GRID2: variants seen among roughly 807,000 people sequenced by gnomAD.
GRID2 encodes the protein glutamate ionotropic receptor delta type subunit 2.
GRID2 carries 33 observed loss-of-function variants against 114.8 expected under a neutral mutation model. The observed-to-expected ratio is 0.29, with a 90% CI of 0.22 to 0.38. The LOEUF (loss-of-function observed/expected upper bound fraction) is 0.38. Ranked by LOEUF, GRID2 falls within the 10% of genes least tolerant of loss-of-function variation. GRID2 has a pLI of 1.00. For missense variants in GRID2, 1,184 were observed against 1,257.7 expected (o/e 0.94, Z 0.89); for synonymous variants, 505 against 449.9 (o/e 1.12, Z -1.55).
intron 1 of GRID2, among the ~76,000 whole-genome samples, chr4:92,368,943 GA>G (rs34556616): frequency 0.065 from 8,314 of 128,324 alleles, 682 homozygotes; most frequent in African/African-American, 0.22. Flanking sequence ...AGCAAATTGT[GA>G]AAAAAAAAAA....
At chr4:93,558,219 G>A (rs1055453681) in intron 13 of GRID2, among the ~76,000 whole-genome samples, 1 of 152,012 alleles carries the variant, frequency 6.6e-6, no homozygotes, top group Admixed American at 6.6e-5. Context: ...CTAGCAGAGG[G>A]CAAGAAATAA....
intron 14 of GRID2, among the ~76,000 whole-genome samples, chr4:93,732,804 A>T (rs1251056109): frequency 6.6e-6 from 1 of 152,124 alleles, no homozygotes; most frequent in South Asian, 2.1e-4. Context: ...GCAGCTTCTC[A>T]CATTGCTTTA....
intron 2 of GRID2, among the ~76,000 whole-genome samples, chr4:92,602,203 TAAAA>T (rs548267650): frequency 2.1e-5 from 2 of 95,706 alleles, no homozygotes; most frequent in South Asian, 6.2e-4. Context: ...GCCAGAGATT[TAAAA>T]AAAAAAAAAA....
rs114346771 is a variant in GRID2, at chr4:93,547,157, A to G, written c.2193+31746A>G. Among the ~76,000 whole-genome samples, 726 of 152,282 alleles carry G rather than the reference A, an allele frequency of 4.8e-3. 6 individuals carry two copies. The highest frequency in any genetic ancestry group is 0.016 in the African/African-American group (665 of 41,566). On this transcript the variant is annotated intron_variant, in intron 13 of 15. Coordinates refer to ENST00000282020, the MANE Select transcript of GRID2 (RefSeq NM_001510.4). ...TTATTATATACATTTTTCTCTGTTTACTATTTTAGAGTTTCTCAACAGTAA... is the reference window on the plus strand; with the variant it reads ...TTATTATATACATTTTTCTCTGTTTGCTATTTTAGAGTTTCTCAACAGTAA...
chr4:93,250,929 G>T (rs1287061410), intron 8 of GRID2, among the ~76,000 whole-genome samples: 2 of 151,634 alleles, frequency 1.3e-5, no homozygotes, highest in Non-Finnish European at 1.5e-5. Flanking sequence ...TATAGTCCTG[G>T]TTTTTGAGGG....
intron 13 of GRID2, among the ~76,000 whole-genome samples, chr4:93,590,370 G>C (rs1446922040): frequency 2.0e-5 from 3 of 150,170 alleles, no homozygotes; most frequent in Non-Finnish European, 4.5e-5. Flanking sequence ...GTTGTAGATA[G>C]GTGGCGTTAT....
chr4:93,442,503 T>C (rs939362015), intron 10 of GRID2, among the ~76,000 whole-genome samples: 7 of 152,028 alleles, frequency 4.6e-5, no homozygotes, highest in African/African-American at 1.2e-4. Context: ...TAAGCATTTA[T>C]TGGGGCCTAA....
chr4:93,667,560 G>C (rs1724059593), intron 14 of GRID2, among the ~76,000 whole-genome samples: 1 of 151,928 alleles, frequency 6.6e-6, no homozygotes, highest in African/African-American at 2.4e-5. Context: ...GTTTCATGGA[G>C]AGCAGTGGCT....
chr4:93,283,141 G>A (rs1752818688), intron 8 of GRID2, among the ~76,000 whole-genome samples: 1 of 151,966 alleles, frequency 6.6e-6, no homozygotes, highest in Admixed American at 6.6e-5. Context: ...AACCTCTTAG[G>A]TCCATCCACA....
At chr4:92,452,829 A>G (rs564448962) in intron 1 of GRID2, among the ~76,000 whole-genome samples, 178 of 130,260 alleles carry the variant, frequency 1.4e-3, no homozygotes, top group Non-Finnish European at 2.1e-3. Context: ...TTTACCATAT[A>G]TATATATTTA....
intron 8 of GRID2, among the ~76,000 whole-genome samples, chr4:93,377,076 A>G (rs1201036172): frequency 6.6e-6 from 1 of 152,192 alleles, no homozygotes; most frequent in Non-Finnish European, 1.5e-5. Context: ...ATATACCAGA[A>G]TAGAAATAAT....
intron 3 of GRID2, among the ~76,000 whole-genome samples, chr4:93,093,259 T>TA (rs1194626744): frequency 6.6e-6 from 1 of 152,000 alleles, no homozygotes; most frequent in Non-Finnish European, 1.5e-5. Context: ...AAGAGTCCAT[T>TA]AGAAAGCTAA....
chr4:93,526,177 C>T (rs1341379594), intron 13 of GRID2, among the ~76,000 whole-genome samples: 4 of 152,116 alleles, frequency 2.6e-5, no homozygotes, highest in Non-Finnish European at 4.4e-5. Context: ...CCGTGCTGTT[C>T]TCACAATAGT....
rs116142448 is a variant in GRID2 at position 92,535,123 on chromosome 4, T to C, written c.89-55008T>C. 5.3e-3 allele frequency among the ~76,000 whole-genome samples: 812 copies of C among 152,314 alleles called. 5 individuals carry two copies. The highest frequency in any genetic ancestry group is 0.019 in the African/African-American group (770 of 41,570). On this transcript the variant is annotated intron_variant, in intron 1 of 15. Transcript: ENST00000282020. ...GACAGCAGAGAAAATTATAATACCCTATAGACCTAAGTTTCATCAACCCTG... is the reference window on the plus strand; with the variant it reads ...GACAGCAGAGAAAATTATAATACCCCATAGACCTAAGTTTCATCAACCCTG...
chr4:93,092,472 G>C (rs1192540610), intron 3 of GRID2, among the ~76,000 whole-genome samples: 1 of 152,056 alleles, frequency 6.6e-6, no homozygotes, highest in African/African-American at 2.4e-5. Context: ...GATACAAGGG[G>C]TCAACTTTCA....
chr4:93,752,129 A>G (rs1314123634), intron 14 of GRID2, among the ~76,000 whole-genome samples: 1 of 152,160 alleles, frequency 6.6e-6, no homozygotes, highest in Non-Finnish European at 1.5e-5. Context: ...GCTGTACCAC[A>G]TTAGTCTTTA....
At chr4:93,644,035 G>A (rs1329351599) in intron 14 of GRID2, among the ~76,000 whole-genome samples, 1 of 81,986 alleles carries the variant, frequency 1.2e-5, no homozygotes, top group South Asian at 4.1e-4. Context: ...TCTTAAGCCG[G>A]TCTGAAAAGC....
intron 4 of GRID2, among the ~76,000 whole-genome samples, chr4:93,135,807 A>G (rs1735190830): frequency 6.6e-6 from 1 of 152,186 alleles, no homozygotes; most frequent in Non-Finnish European, 1.5e-5. Flanking sequence ...TTAGGATGTG[A>G]ATTTCAGAAA....
At chr4:92,506,506 T>C (rs990627808) in intron 1 of GRID2, among the ~76,000 whole-genome samples, 4 of 151,954 alleles carry the variant, frequency 2.6e-5, no homozygotes, top group East Asian at 1.9e-4. Flanking sequence ...AGAAGAAACA[T>C]TGATGGCCAG....
Sources: allele counts gnomAD v4.1 joint callset (sites outside exome capture counted in the v4.1 genomes callset), GRCh38; gene constraint gnomAD v4.1.1; transcripts MANE v1.5; gene names NCBI Gene and HGNC (gene_info 2026-07-23, HGNC 2026-07-21).